The following ESR1 variants were observed in gnomAD, a reference collection of about 807,000 sequenced individuals.
ESR1 encodes estrogen receptor.
ESR1 carries 12 observed loss-of-function variants against 52.7 expected under a neutral mutation model. The observed-to-expected ratio is 0.23, with a 90% CI of 0.15 to 0.37. ESR1 has a LOEUF of 0.37. ESR1 is among the 10% of genes least tolerant of loss of function. ESR1 has a pLI of 1.00. For synonymous variants in ESR1, 305 were observed against 316.8 expected (o/e 0.96, Z 0.39); for missense variants, 584 against 779.7 (o/e 0.75, Z 2.99).
intron 4 of ESR1, among the ~76,000 whole-genome samples, chr6:151,980,839 G>A (rs973229668): frequency 1.3e-5 from 2 of 152,172 alleles, no homozygotes; most frequent in African/African-American, 4.8e-5. Context: ...AAGCAGCTGG[G>A]ACTACAGGCA....
At chr6:152,028,955 C>T (rs180832655) in intron 5 of ESR1, among the ~76,000 whole-genome samples, 18 of 152,284 alleles carry the variant, frequency 1.2e-4, no homozygotes, top group East Asian at 1.9e-4. Context: ...TCCAGAGGAA[C>T]GATCAGGCAG....
At chr6:151,962,412 C>A (rs947741183) in intron 4 of ESR1, among the ~76,000 whole-genome samples, 1 of 152,140 alleles carries the variant, frequency 6.6e-6, no homozygotes, top group Non-Finnish European at 1.5e-5. Flanking sequence ...CTCTGCCATC[C>A]CCCACTTGCC....
chr6:151,694,067 T>C (rs1237284605), intron 1 of ESR1, among the ~76,000 whole-genome samples: 3 of 152,226 alleles, frequency 2.0e-5, no homozygotes, highest in African/African-American at 7.2e-5. Flanking sequence ...CGATGCTTTT[T>C]ATAGTGTTAT....
In ESR1 at chr6:152,053,763, TGGAG is replaced by T. The variant is rs762347509; in HGVS notation, c.1236-7226_1236-7223del. Among the ~76,000 whole-genome samples the T allele has an allele frequency of 2.4e-4, 37 of 152,258 alleles. No individual in the cohort carries two copies. Among genetic ancestry groups the T allele is most frequent in the Admixed American group, 3.9e-4 (6 of 15,280 alleles). ...TATTTCCGGATATTTTATGCTTTCATGGAGGCCGTGTAAATTGGTATAACCTTTT... is the reference window on the plus strand; with the variant it reads ...TATTTCCGGATATTTTATGCTTTCATGCCGTGTAAATTGGTATAACCTTTT... On this transcript the variant is annotated intron_variant, in intron 5 of 7. Transcript: ENST00000206249. This position sits in a 1 kb window ranked among gnomAD's most constrained non-coding sequence, Gnocchi z 4.1.
intron 2 of ESR1, among the ~76,000 whole-genome samples, chr6:151,787,659 G>T (rs1787152134): frequency 6.6e-6 from 1 of 152,096 alleles, no homozygotes. Flanking sequence ...TATTTTTGGT[G>T]TATAGGAAGG....
At chr6:151,840,600 A>G (rs1356845975) in intron 1 of ESR1, among the ~76,000 whole-genome samples, 3 of 152,184 alleles carry the variant, frequency 2.0e-5, no homozygotes, top group Non-Finnish European at 4.4e-5. Flanking sequence ...GGGAGAGGTT[A>G]TACAATTTGG....
At chr6:151,939,258 T>C (rs1368498179) in intron 3 of ESR1, among the ~76,000 whole-genome samples, 3 of 152,182 alleles carry the variant, frequency 2.0e-5, no homozygotes, top group Admixed American at 6.5e-5. Flanking sequence ...ATTGTTTCCT[T>C]TGTTTTTTTC....
intron 3 of ESR1, 142 bp downstream of exon 3, chr6:151,880,913 CA>C (rs1448882291): frequency 3.1e-6 from 2 of 641,598 alleles, no homozygotes; most frequent in Non-Finnish European, 5.6e-6. Flanking sequence ...TTCTTTGCAA[CA>C]AAAGTATTTT....
intron 1 of ESR1, among the ~76,000 whole-genome samples, chr6:151,837,685 T>C (rs1403947173): frequency 1.3e-5 from 2 of 152,158 alleles, no homozygotes; most frequent in African/African-American, 2.4e-5. Flanking sequence ...CAGGCATCTG[T>C]TAGGTTGAAG....
intron 2 of ESR1, among the ~76,000 whole-genome samples, chr6:151,753,097 C>T (rs996248700): frequency 1.3e-5 from 2 of 152,168 alleles, no homozygotes; most frequent in Non-Finnish European, 2.9e-5. Context: ...ATACCCACTA[C>T]ACTGCTAGCC....
chr6:151,981,826 C>A (rs1303854086), intron 4 of ESR1, among the ~76,000 whole-genome samples: 6 of 152,188 alleles, frequency 3.9e-5, no homozygotes, highest in African/African-American at 1.4e-4. Context: ...TGGCTTCCAG[C>A]AGTTTGTCTG....
intron 4 of ESR1, among the ~76,000 whole-genome samples, chr6:151,967,914 T>C (rs2038455845): frequency 6.6e-6 from 1 of 152,248 alleles, no homozygotes; most frequent in African/African-American, 2.4e-5. Context: ...TGGTTTTGAT[T>C]TGCATTTCTC....
At chr6:151,890,691 C>T (rs79163143) in intron 3 of ESR1, among the ~76,000 whole-genome samples, 2 of 152,126 alleles carry the variant, frequency 1.3e-5, no homozygotes, top group African/African-American at 4.8e-5. Context: ...TGTATGTTCA[C>T]CTGTTATATC....
Position 152,100,772 on chromosome 6 carries a change from CA to C in ESR1, c.*1821del, listed in dbSNP as rs71017521. The C allele has an allele frequency of 0.068, 12,789 of 188,956 alleles. 16 individuals are homozygous for C. The highest frequency in any genetic ancestry group is 0.14 in the Middle Eastern group (81 of 580). 11.7% of individuals were successfully genotyped at this position (188,956 alleles called of 1,614,324 possible). On this transcript the variant is annotated 3_prime_UTR_variant, in exon 8 of 8. Coordinates refer to ENST00000206249, the MANE Select transcript of ESR1 (RefSeq NM_000125.4). ...CCAAAGGACTGAGAATCTGGGAGGG[CA>C]AAAAAAAAAAAAAAGTTTTTATGTG...
At chr6:151,858,092 A>G (rs1465905606) in intron 2 of ESR1, among the ~76,000 whole-genome samples, 1 of 152,172 alleles carries the variant, frequency 6.6e-6, no homozygotes, top group Non-Finnish European at 1.5e-5. Flanking sequence ...TTATTTGCAA[A>G]TCATTTTGAC....
chr6:151,702,372 C>T (rs1388033402), intron 2 of ESR1, among the ~76,000 whole-genome samples: 1 of 151,940 alleles, frequency 6.6e-6, no homozygotes, highest in Non-Finnish European at 1.5e-5. Context: ...GCTTTTCATT[C>T]TTTTTTCCCT....
intron 4 of ESR1, among the ~76,000 whole-genome samples, chr6:151,962,342 C>A (rs2037761055): frequency 2.0e-5 from 3 of 152,046 alleles, no homozygotes; most frequent in Admixed American, 6.5e-5. Flanking sequence ...CCTAAGCCAT[C>A]ATAGTTCTGC....
intron 6 of ESR1, among the ~76,000 whole-genome samples, chr6:152,065,579 T>A (rs2047902328): frequency 6.6e-6 from 1 of 152,238 alleles, no homozygotes; most frequent in African/African-American, 2.4e-5. Flanking sequence ...ATATATTTAA[T>A]TCTGAAGAGC....
chr6:151,694,525 C>T (rs1027886135), intron 1 of ESR1, among the ~76,000 whole-genome samples: 6 of 152,160 alleles, frequency 3.9e-5, no homozygotes, highest in East Asian at 3.8e-4. Flanking sequence ...TGGTGGTTCA[C>T]GCCTATAATC....
Sources: gnomAD v4.1 joint callset for allele counts (sites outside exome capture counted in the v4.1 genomes callset) on GRCh38, gnomAD v4.1.1 for gene constraint, Gnocchi (gnomAD v3.1) non-coding constraint, MANE v1.5 for transcripts, NCBI Gene and HGNC (gene_info 2026-07-23, HGNC 2026-07-21) for gene names.